Variants in DPP6 observed in about 807,000 individuals in gnomAD.
DPP6 encodes dipeptidyl peptidase like 6, also known as A-type potassium channel modulatory protein DPP6.
Under a neutral mutation model 122.6 loss-of-function variants are expected in DPP6, and 69 were observed. That is an observed-to-expected ratio of 0.56 (90% CI 0.46 to 0.69). The LOEUF (loss-of-function observed/expected upper bound fraction) is 0.69, where lower values mean the gene tolerates loss of function less well. Ranked by LOEUF, DPP6 falls within the 30% of genes least tolerant of loss-of-function variation. The pLI, the probability that DPP6 is intolerant of heterozygous loss-of-function variation, is 0.00. For missense variants in DPP6, 928 were observed against 1,116.9 expected (o/e 0.83, Z 2.41); for synonymous variants, 418 against 433.1 (o/e 0.97, Z 0.43).
rs190448161 is a variant in DPP6, at chr7:153,977,523, C to T, written c.51+89789C>T. 2.6e-5 allele frequency among the ~76,000 whole-genome samples: 4 copies of T among 152,296 alleles called. No homozygotes were observed. The East Asian group carries it at 5.8e-4, about 22-fold the overall frequency. On this transcript the variant is annotated intron_variant, in intron 1 of 25. Coordinates refer to the DPP6 transcript ENST00000404039. ...ACCCGAGCTGTTTATCTTTCTTTCT[C>T]CAGGCCCCAGCCTCATTCTTTCTTT...
At chr7:154,539,765 T>C (rs1216958124) in intron 3 of DPP6, among the ~76,000 whole-genome samples, 1 of 151,108 alleles carries the variant, frequency 6.6e-6, no homozygotes, top group East Asian at 1.9e-4. Context: ...ATACATTTGA[T>C]GAAATAAACA....
intron 1 of DPP6, among the ~76,000 whole-genome samples, chr7:154,321,019 A>G (rs1807903763): frequency 6.6e-6 from 1 of 152,202 alleles, no homozygotes; most frequent in South Asian, 2.1e-4. Context: ...TTTGTGCTCT[A>G]GGCATTGATT....
chr7:154,204,169 A>G (rs1799314316), intron 1 of DPP6, among the ~76,000 whole-genome samples: 2 of 152,214 alleles, frequency 1.3e-5, no homozygotes, highest in Admixed American at 6.5e-5. Context: ...CCACATGATC[A>G]GTGTCAGGCA....
At chr7:154,637,736 T>A in intron 5 of DPP6, 85 bp from the exon 6 acceptor site, 2 of 1,399,754 alleles carry the variant, frequency 1.4e-6, no homozygotes, top group Non-Finnish European at 1.9e-6. Flanking sequence ...CACTGATGTT[T>A]GTTAGGATTC....
At chr7:154,880,778 A>G in intron 20 of DPP6, 110 bp from the exon 21 acceptor site, 1 of 1,576,580 alleles carries the variant, frequency 6.3e-7, no homozygotes, top group Middle Eastern at 1.7e-4. Context: ...TTTTATTTGA[A>G]GAGGGGTTTT....
At chr7:154,177,992 G>C (rs1372226633) in intron 1 of DPP6, among the ~76,000 whole-genome samples, 1 of 152,096 alleles carries the variant, frequency 6.6e-6, no homozygotes, top group East Asian at 1.9e-4. Flanking sequence ...TGAGATTCAG[G>C]GCTTTTCCCA....
intron 1 of DPP6, among the ~76,000 whole-genome samples, chr7:154,311,949 A>C (rs540917036): frequency 4.4e-4 from 67 of 152,352 alleles, no homozygotes; most frequent in African/African-American, 1.6e-3. Flanking sequence ...CAATTTCAAC[A>C]GTAGCTATTG....
At chr7:153,760,814 T>A in the DPP6 span, among the ~76,000 whole-genome samples, 1 of 152,172 alleles carries the variant, frequency 6.6e-6, no homozygotes. Flanking sequence ...ACTTCCAGGT[T>A]ATTCTTTCCC....
chr7:153,945,578 TGGC>T (rs1486229548), intron 1 of DPP6, among the ~76,000 whole-genome samples: 1 of 152,210 alleles, frequency 6.6e-6, no homozygotes, highest in African/African-American at 2.4e-5. Flanking sequence ...GGCACAGGGT[TGGC>T]GGTGGAGGCG....
chr7:154,757,565 G>A (rs931158822), intron 8 of DPP6, among the ~76,000 whole-genome samples: 4 of 152,216 alleles, frequency 2.6e-5, no homozygotes, highest in Admixed American at 6.5e-5. Flanking sequence ...CACTGAGGGC[G>A]TGGGATGACA....
intron 1 of DPP6, among the ~76,000 whole-genome samples, chr7:153,971,349 A>G (rs1796005392): frequency 1.3e-5 from 2 of 151,510 alleles, no homozygotes; most frequent in African/African-American, 4.8e-5. Context: ...GATTTTCTAC[A>G]TAGCTGTTCA....
intron 1 of DPP6, among the ~76,000 whole-genome samples, chr7:154,248,963 G>T (rs530757222): frequency 6.6e-6 from 1 of 152,260 alleles, no homozygotes; most frequent in South Asian, 2.1e-4. Context: ...AAGGGGACAT[G>T]TCTTGGCATG....
chr7:154,380,872 G>C (rs1813535543), intron 1 of DPP6, among the ~76,000 whole-genome samples: 1 of 152,206 alleles, frequency 6.6e-6, no homozygotes, highest in Admixed American at 6.5e-5. Flanking sequence ...GTGTTTGCCA[G>C]GAATGCATAG....
chr7:154,700,358 G>A (rs1474464007), intron 7 of DPP6, among the ~76,000 whole-genome samples: 2 of 152,348 alleles, frequency 1.3e-5, no homozygotes, highest in South Asian at 2.1e-4. Flanking sequence ...ACAGAGTTCA[G>A]TAACAGGAGT....
chr7:154,760,713 G>T lies in DPP6; in HGVS notation c.884-8704G>T, dbSNP rs1795486105. ...TGAGGCAGGTGAGCAGAAGACATCA[G>T]GCCCAGAAGTTCTGGAAGCTCCCTC... On this transcript the variant is annotated intron_variant, in intron 8 of 25. Transcript: ENST00000377770. This position sits in a 1 kb window ranked among gnomAD's most constrained non-coding sequence, Gnocchi z 4.5. Among the ~76,000 whole-genome samples, 1 of 152,064 alleles carries T rather than the reference G, an allele frequency of 6.6e-6. No individual in the cohort carries two copies. Among genetic ancestry groups the T allele is most frequent in the Admixed American group, 6.5e-5 (1 of 15,270 alleles).
At chr7:154,795,987 C>A (rs2150436074) in intron 12 of DPP6, 104 bp downstream of exon 12, 1 of 1,475,032 alleles carries the variant, frequency 6.8e-7, no homozygotes, top group Non-Finnish European at 9.0e-7. Flanking sequence ...CAGAGTAAAT[C>A]ACACAGGGCT....
intron 1 of DPP6, among the ~76,000 whole-genome samples, chr7:154,195,350 C>T (rs986226940): frequency 1.3e-5 from 2 of 152,136 alleles, no homozygotes; most frequent in African/African-American, 2.4e-5. Flanking sequence ...CTCCAGGAGC[C>T]CACCTGGAGG....
intron 12 of DPP6, among the ~76,000 whole-genome samples, chr7:154,800,646 G>A (rs538507545): frequency 6.6e-6 from 1 of 152,286 alleles, no homozygotes; most frequent in Admixed American, 6.5e-5. Flanking sequence ...AACTGGGCAT[G>A]CTGATTCTGT....
chr7:154,685,517 A>T (rs1839545561), intron 7 of DPP6, among the ~76,000 whole-genome samples: 1 of 152,206 alleles, frequency 6.6e-6, no homozygotes, highest in South Asian at 2.1e-4. Flanking sequence ...TCCTGGGTTT[A>T]GATGCTTACA....
Sources: gnomAD v4.1 joint callset for allele counts (sites outside exome capture counted in the v4.1 genomes callset) on GRCh38, gnomAD v4.1.1 for gene constraint, Gnocchi (gnomAD v3.1) non-coding constraint, MANE v1.5 for transcripts, NCBI Gene and HGNC (gene_info 2026-07-23, HGNC 2026-07-21) for gene names.